The following PXDNL variants were observed in gnomAD, a reference collection of about 807,000 sequenced individuals.
The protein encoded by PXDNL is peroxidasin like.
Under a neutral mutation model 150.8 loss-of-function variants are expected in PXDNL, and 145 were observed. That is an observed-to-expected ratio of 0.96 (90% CI 0.84 to 1.10). The LOEUF (loss-of-function observed/expected upper bound fraction) is 1.10. Among genes scored for constraint, PXDNL ranks in the 50% least tolerant of loss-of-function variants. The pLI is 0.00. For synonymous variants in PXDNL, 757 were observed against 725.7 expected (o/e 1.04, Z -0.69); for missense variants, 2,087 against 1,873.9 (o/e 1.11, Z -2.10).
intron 1 of PXDNL, among the ~76,000 whole-genome samples, chr8:51,699,440 T>G (rs1816206171): frequency 6.6e-6 from 1 of 152,202 alleles, no homozygotes; most frequent in Non-Finnish European, 1.5e-5. Context: ...CCTTACTCTG[T>G]GTTAGGCTTT....
chr8:51,541,848 C>T (rs1812223981), intron 4 of PXDNL, among the ~76,000 whole-genome samples: 1 of 152,134 alleles, frequency 6.6e-6, no homozygotes, highest in Non-Finnish European at 1.5e-5. Context: ...TTGCAGCCTG[C>T]TCTCCAGTTC....
chr8:51,550,677 T>C (rs1441737276), intron 4 of PXDNL, among the ~76,000 whole-genome samples: 2 of 152,250 alleles, frequency 1.3e-5, no homozygotes, highest in Non-Finnish European at 2.9e-5. Flanking sequence ...AGAAGGGAAA[T>C]ACCCTAAGGT....
intron 3 of PXDNL, among the ~76,000 whole-genome samples, chr8:51,566,262 A>C (rs1387613998): frequency 6.6e-6 from 1 of 151,624 alleles, no homozygotes; most frequent in Admixed American, 6.6e-5. Flanking sequence ...CCTGTAATAT[A>C]TTTTTCTGGT....
intron 3 of PXDNL, among the ~76,000 whole-genome samples, chr8:51,590,726 T>C (rs564241434): frequency 1.1e-5 from 1 of 94,474 alleles, no homozygotes; most frequent in East Asian, 2.3e-4. Context: ...AGATATCTTG[T>C]TTTTTTTTAT....
intron 2 of PXDNL, among the ~76,000 whole-genome samples, chr8:51,646,476 A>AC (rs1292948405): frequency 6.6e-6 from 1 of 152,076 alleles, no homozygotes; most frequent in Non-Finnish European, 1.5e-5. Context: ...GGAGGAGTTG[A>AC]CCCCCTGTGT....
At chr8:51,425,563 G>A (rs1809069491) in intron 13 of PXDNL, among the ~76,000 whole-genome samples, 1 of 152,116 alleles carries the variant, frequency 6.6e-6, no homozygotes, top group Non-Finnish European at 1.5e-5. Context: ...GCTGGGCGTG[G>A]TGGCTCACAC....
intron 21 of PXDNL, among the ~76,000 whole-genome samples, chr8:51,329,100 C>G (rs1805603510): frequency 6.6e-6 from 1 of 152,106 alleles, no homozygotes; most frequent in Non-Finnish European, 1.5e-5. Flanking sequence ...GAGAAAAGGC[C>G]ACAGTACTGG....
At chr8:51,793,159 T>C (rs1383446779) in intron 1 of PXDNL, among the ~76,000 whole-genome samples, 4 of 152,076 alleles carry the variant, frequency 2.6e-5, no homozygotes, top group East Asian at 1.9e-4. Context: ...TTCTGTAACC[T>C]CCACTGATGA....
At chr8:51,611,024 A>G (rs1813986468) in intron 2 of PXDNL, among the ~76,000 whole-genome samples, 1 of 152,220 alleles carries the variant, frequency 6.6e-6, no homozygotes, top group Non-Finnish European at 1.5e-5. Flanking sequence ...AGTGATGCCC[A>G]TCATATGCAG....
chr8:51,759,717 T>C (rs1372247573), intron 1 of PXDNL, among the ~76,000 whole-genome samples: 1 of 152,252 alleles, frequency 6.6e-6, no homozygotes, highest in Non-Finnish European at 1.5e-5. Flanking sequence ...TACATTGTTC[T>C]TATACTTGAC....
At chr8:51,579,137 C>T (rs566221332) in intron 3 of PXDNL, among the ~76,000 whole-genome samples, 7 of 151,990 alleles carry the variant, frequency 4.6e-5, no homozygotes, top group Non-Finnish European at 8.8e-5. Context: ...AACACCTGCT[C>T]TTCAAAAGAC....
intron 17 of PXDNL, among the ~76,000 whole-genome samples, chr8:51,405,858 C>T (rs1294171942): frequency 6.6e-6 from 1 of 152,206 alleles, no homozygotes; most frequent in Non-Finnish European, 1.5e-5. Context: ...AAGCACCAGG[C>T]TGCATAGAGT....
intron 8 of PXDNL, among the ~76,000 whole-genome samples, chr8:51,466,270 A>G (rs1810203676): frequency 6.6e-6 from 1 of 152,178 alleles, no homozygotes; most frequent in African/African-American, 2.4e-5. Context: ...CTGATCTTCA[A>G]CAAAGTCAAC....
In PXDNL at chr8:51,738,411, C is replaced by A. The variant is rs181461748; in HGVS notation, c.164+70770G>T. On this transcript the variant is annotated intron_variant, in intron 1 of 22. Transcript: ENST00000356297. ...TATGTGACTCTTGCACCTAACATTC[C>A]CTCTGCCAAGAACATTCCACTTTCT... Among the ~76,000 whole-genome samples the A allele has an allele frequency of 5.1e-4, 78 of 152,260 alleles. 1 individual carries two copies. The Middle Eastern group carries it at 0.01, about 20-fold the overall frequency.
At position 51,408,811 on chromosome 8, in the gene PXDNL, G is replaced by A; in HGVS notation, c.2813C>T (p.Thr938Ile). 6.4e-7 allele frequency: 1 copy of A among 1,569,660 alleles called. No individual in the cohort carries two copies. The highest frequency in any genetic ancestry group is 8.6e-7 in the Non-Finnish European group (1 of 1,158,826). The change falls in exon 17 of 23, where the codon ACA becomes ATA. Residue 938 changes from threonine to isoleucine, a missense_variant. Thr to Ile is a moderately conservative substitution (Grantham distance 89). Transcript: ENST00000356297. ...TCGCGCGCACTCGGTGGGTGGGCCT[G>A]TAGAAAAGGGCAATAAGGGCTTTCC... ...PSGKPLLPFSTGPPTECARQE... is the reference protein window; with the variant it reads ...PSGKPLLPFSIGPPTECARQE...
intron 19 of PXDNL, among the ~76,000 whole-genome samples, chr8:51,367,079 G>C (rs1458463752): frequency 7.8e-6 from 1 of 128,390 alleles, no homozygotes; most frequent in Non-Finnish European, 1.6e-5. Flanking sequence ...CCAGCCTTGC[G>C]ACAGAGCAAG....
intron 20 of PXDNL, among the ~76,000 whole-genome samples, chr8:51,340,978 C>G (rs1237967454): frequency 6.6e-6 from 1 of 152,216 alleles, no homozygotes; most frequent in South Asian, 2.1e-4. Context: ...ATATAACCAA[C>G]AGTCAAAAGA....
intron 2 of PXDNL, among the ~76,000 whole-genome samples, chr8:51,648,809 G>T (rs981283725): frequency 1.3e-5 from 2 of 152,174 alleles, no homozygotes; most frequent in African/African-American, 4.8e-5. Context: ...CCAGGTAGAA[G>T]ATTCTAAAAG....
chr8:51,390,941 T>G (rs1024684658), intron 17 of PXDNL, among the ~76,000 whole-genome samples: 2 of 151,946 alleles, frequency 1.3e-5, no homozygotes, highest in African/African-American at 2.4e-5. Flanking sequence ...TTCCCCTTCC[T>G]GTGTCCATGT....
Sources: allele counts gnomAD v4.1 joint callset (sites outside exome capture counted in the v4.1 genomes callset), GRCh38; gene constraint gnomAD v4.1.1; transcripts MANE v1.5; gene names NCBI Gene and HGNC (gene_info 2026-07-23, HGNC 2026-07-21).